The following BBS2 variants were observed in gnomAD, a reference collection of about 807,000 sequenced individuals.
The protein encoded by BBS2 is Bardet-Biedl syndrome 2.
Under a neutral mutation model 83.0 loss-of-function variants are expected in BBS2, and 62 were observed. The ratio of observed to expected loss-of-function variants is 0.75; its 90% confidence interval spans 0.61 to 0.92. BBS2 has a LOEUF of 0.92. Ranked by LOEUF, BBS2 falls within the 40% of genes least tolerant of loss-of-function variation. BBS2 has a pLI of 0.00. For missense variants in BBS2, 784 were observed against 901.0 expected (o/e 0.87, Z 1.66); for synonymous variants, 303 against 326.1 (o/e 0.93, Z 0.76).
chr16:56,482,095 G>C (rs1240267182), downstream of BBS2, among the ~76,000 whole-genome samples: 1 of 152,156 alleles, frequency 6.6e-6, no homozygotes, highest in Non-Finnish European at 1.5e-5. Flanking sequence ...AAGTTTTTTA[G>C]CTAAAGAACA....
At chr16:56,511,875 A>G (rs1469645725) in intron 2 of BBS2, among the ~76,000 whole-genome samples, 1 of 152,204 alleles carries the variant, frequency 6.6e-6, no homozygotes, top group Non-Finnish European at 1.5e-5. Flanking sequence ...AAAAATGCAA[A>G]ACTTTTGCTC....
chr16:56,493,057 G>C (rs754247819), intron 15 of BBS2, among the ~76,000 whole-genome samples: 1 of 152,048 alleles, frequency 6.6e-6, no homozygotes, highest in Non-Finnish European at 1.5e-5. Flanking sequence ...TCTACACCAT[G>C]GTGGAGAAAT....
chr16:56,484,008 T>A (rs1365510007), downstream of BBS2, among the ~76,000 whole-genome samples: 8 of 16,620 alleles, frequency 4.8e-4, no homozygotes, highest in Non-Finnish European at 7.1e-4. Context: ...GCCCAAATAT[T>A]TTTTTTTTTT....
Position 56,518,674 on chromosome 16 carries a change from T to C in BBS2, c.117+1072A>G, listed in dbSNP as rs150501770. 3.2e-4 allele frequency among the ~76,000 whole-genome samples: 32 copies of C among 101,324 alleles called. No individual in the cohort carries two copies. The East Asian group carries it at 6.7e-3, about 21-fold the overall frequency. The allele number at this position is 101,324 out of a possible 152,430, so 66.5% of individuals were successfully genotyped here. A position where few individuals can be genotyped will look rare whatever the true frequency, so the allele number is the denominator to read the frequency against. ...ATGTAATAAAGTTTTGTGCCTGTTA[T>C]AAGTTATTAGCGTTGTCACTACATT... On this transcript the variant is annotated intron_variant, in intron 1 of 16. Transcript: ENST00000245157.
At chr16:56,476,404 T>TA (rs59188420) in intron 17 of BBS2, 61,349 of 308,148 alleles carry the variant, frequency 0.2, 4,660 homozygotes, top group African/African-American at 0.36. Context: ...ATCTCTTGAT[T>TA]AAAAAAAAAA....
chr16:56,495,546 A>G (rs1215715642), intron 15 of BBS2, among the ~76,000 whole-genome samples: 3 of 152,208 alleles, frequency 2.0e-5, no homozygotes, highest in Non-Finnish European at 4.4e-5. Context: ...TGGGCAAGCA[A>G]AAGTGTGGAT....
At chr16:56,495,766 ATGTGTGTGTG>A (rs34446691) in intron 15 of BBS2, among the ~76,000 whole-genome samples, 2,837 of 149,306 alleles carry the variant, frequency 0.019, 89 homozygotes, top group African/African-American at 0.065. Flanking sequence ...GTGTGTATAT[ATGTGTGTGTG>A]TGTGTGTGTG....
intron 17 of BBS2, among the ~76,000 whole-genome samples, chr16:56,473,438 C>T (rs1963297009): frequency 6.6e-6 from 1 of 152,188 alleles, no homozygotes; most frequent in Non-Finnish European, 1.5e-5. Context: ...ATAAACGACA[C>T]ATCCATTGTG....
chr16:56,508,035 C>T (rs192819351), intron 5 of BBS2, among the ~76,000 whole-genome samples: 1 of 152,184 alleles, frequency 6.6e-6, no homozygotes, highest in African/African-American at 2.4e-5. Context: ...CTCCTTTTGG[C>T]ACCCATTTCT....
At position 56,509,975 on chromosome 16, in the gene BBS2, T is replaced by G. The variant is rs1428034392; in HGVS notation, c.594A>C (p.Ala198=). The change falls in exon 5 of 17, where the codon GCA becomes GCC. Residue 198 remains alanine (A), a synonymous_variant. Transcript: ENST00000245157. ...TTCTTACCTCTGTTTCTGTCATTTCTGCCACAATCTCATCTTCCTTAAAAA... is the reference window on the plus strand; with the variant it reads ...TTCTTACCTCTGTTTCTGTCATTTCGGCCACAATCTCATCTTCCTTAAAAA... ...IRVFKEDEIV[A]EMTETEIVTS... The G allele has an allele frequency of 6.2e-7, 1 of 1,614,160 alleles. No individual in the cohort carries two copies. The highest frequency in any genetic ancestry group is 1.1e-5 in the South Asian group (1 of 91,082).
rs115596250 is a variant in BBS2 at position 56,500,778 on chromosome 16, G to T, written c.1397+76C>A. ...TTCTCAGGCCCCCAAGAATCCACTG[G>T]GCATATGGAAAATTTATACATCTTG... On this transcript the variant is annotated intron_variant, in intron 11 of 16. Coordinates refer to ENST00000245157, the MANE Select transcript of BBS2 (RefSeq NM_031885.5). 443 of 1,488,514 alleles carry T rather than the reference G, an allele frequency of 3.0e-4. No homozygotes were observed. The African/African-American group carries it at 5.6e-3, about 19-fold the overall frequency. 92.2% of individuals were successfully genotyped at this position (1,488,514 alleles called of 1,614,324 possible).
At position 56,497,778 on chromosome 16, in the gene BBS2, C is replaced by T. The variant is rs1008174890; in HGVS notation, c.1762G>A (p.Val588Ile). 9.9e-6 allele frequency: 16 copies of T among 1,613,424 alleles called. No homozygotes were observed. Among genetic ancestry groups the T allele is most frequent in the Non-Finnish European group, 1.4e-5 (16 of 1,179,884 alleles). ...ACCTTTCGTAATTCCTCAAAATAGA[C>T]AGGAAAATCCGCTTCTACTTGAAGG... ...EDLQVEADFP[V>I]YFEELRKVLV... Residue 588 changes from valine to isoleucine, a missense_variant, in exon 14 of 17, where the codon GTC becomes ATC. Physicochemically the swap from Val to Ile is conservative, Grantham distance 29. Transcript: ENST00000245157.
intron 1 of BBS2, among the ~76,000 whole-genome samples, chr16:56,519,272 A>G (rs1490110105): frequency 1.3e-5 from 2 of 150,578 alleles, no homozygotes; most frequent in Non-Finnish European, 3.0e-5. Flanking sequence ...CGGAGGCTGC[A>G]GCGACCCGAG....
At chr16:56,470,649 G>T in exon 18 of BBS2, 1 of 1,614,108 alleles carries the variant, frequency 6.2e-7, no homozygotes, top group Non-Finnish European at 8.5e-7. Context: ...ATAAAAAAGA[G>T]GCAGAAACCA....
At position 56,519,912 on chromosome 16, in the gene BBS2, C is replaced by CGGAGCT. The variant is rs747096301; in HGVS notation, c.-56_-51dup. On this transcript the variant is annotated 5_prime_UTR_variant, in exon 1 of 17. Transcript: ENST00000245157. ...GGCTGGAAGCTGGAGACAAGCGCAG[C>CGGAGCT]GGAGCTGGCCTCACGCGCCCGGGCA... is the stretch of plus-strand genomic sequence containing the variant. 5.3e-6 allele frequency: 8 copies of CGGAGCT among 1,509,024 alleles called. No homozygotes were observed. Among genetic ancestry groups the CGGAGCT allele is most frequent in the Non-Finnish European group, 6.4e-6 (7 of 1,086,646 alleles). The allele number at this position is 1,509,024 out of a possible 1,614,324, so 93.5% of individuals were successfully genotyped here.
chr16:56,499,932 G>A (rs1324056173), intron 11 of BBS2, 25 bp from the exon 12 acceptor site: 5 of 1,613,244 alleles, frequency 3.1e-6, no homozygotes, highest in Non-Finnish European at 4.2e-6. Flanking sequence ...TGAAACACAA[G>A]AGAATTGTTT....
intron 1 of BBS2, among the ~76,000 whole-genome samples, chr16:56,518,696 C>T (rs1255289836): frequency 6.6e-6 from 1 of 152,238 alleles, no homozygotes; most frequent in Non-Finnish European, 1.5e-5. Context: ...GTTGTCACTA[C>T]ATTCCATGTA....
At chr16:56,480,352 C>CACACACACAAAAAAAAAAAAA (rs1289081468), downstream of BBS2, among the ~76,000 whole-genome samples, 1 of 76,592 alleles carries the variant, frequency 1.3e-5, no homozygotes, top group African/African-American at 7.2e-5. Context: ...CACACACACA[C>CACACACACAAAAAAAAAAAAA]AAAAAAAAAA....
At chr16:56,509,806 T>C (rs770127924) in intron 5 of BBS2, 151 bp downstream of exon 5, 2 of 695,740 alleles carry the variant, frequency 2.9e-6, no homozygotes, top group Non-Finnish European at 5.1e-6. Flanking sequence ...TTTCTTACCA[T>C]AACATACAGC....
Sources: gnomAD v4.1 joint callset for allele counts (sites outside exome capture counted in the v4.1 genomes callset) on GRCh38, gnomAD v4.1.1 for gene constraint, MANE v1.5 for transcripts, NCBI Gene and HGNC (gene_info 2026-07-23, HGNC 2026-07-21) for gene names.